Variants in ZNF677 observed in about 807,000 individuals in gnomAD.
ZNF677 encodes the protein zinc finger protein 677.
In ZNF677, 5 loss-of-function variants were observed where a neutral mutation model predicts 8.1. The ratio of observed to expected loss-of-function variants is 0.62; its 90% CI spans 0.32 to 1.29. ZNF677 has a LOEUF of 1.29. ZNF677 is among the 50% of genes most tolerant of loss of function. The probability of loss-of-function intolerance (pLI) is 0.05; values close to 1 mark genes in which losing one functional copy is unlikely to be tolerated. For synonymous variants in ZNF677, 221 were observed against 225.6 expected (o/e 0.98, Z 0.18); for missense variants, 685 against 685.9 (o/e 1.00, Z 0.01).
At chr19:53,244,872 A>G (rs567250365) in intron 3 of ZNF677, among the ~76,000 whole-genome samples, 42 of 152,228 alleles carry the variant, frequency 2.8e-4, no homozygotes, top group Non-Finnish European at 2.6e-4. Flanking sequence ...ATGGTAATCA[A>G]AACAGTATGG....
rs1334697233 is a variant in ZNF677 at position 53,235,889 on chromosome 19, T to A, written c.*1083A>T. On this transcript the variant is annotated 3_prime_UTR_variant, in exon 5 of 5. Coordinates refer to ENST00000598513, the MANE Select transcript of ZNF677 (RefSeq NM_182609.4). ...CAAACCCCCATGCTCTTATAGTATA[T>A]TGTATATTAGTGTTCTTGGCTGGGC... 1.4e-4 allele frequency: 21 copies of A among 152,278 alleles called. 1 individual carries two copies. Among genetic ancestry groups the A allele is most frequent in the Admixed American group, 1.4e-3 (21 of 15,276 alleles). 9.4% of individuals were successfully genotyped at this position (152,278 alleles called of 1,614,324 possible).
chr19:53,235,453 G>A lies in ZNF677; in HGVS notation c.*1519C>T, dbSNP rs1422128790. ...AGTATAATATATTCTAAATAAAATG[G>A]TATCAAATGCAATCTCAGGGGCCAA... On this transcript the variant is annotated 3_prime_UTR_variant, in exon 5 of 5. Transcript: ENST00000598513. 6 of 152,090 alleles carry A rather than the reference G, an allele frequency of 3.9e-5. No individual in the cohort carries two copies. The highest frequency in any genetic ancestry group is 8.8e-5 in the Non-Finnish European group (6 of 68,020). The allele number at this position is 152,090 out of a possible 1,614,324, so 9.4% of individuals were successfully genotyped here.
chr19:53,243,978 T>G, intron 3 of ZNF677, 81 bp from the exon 4 acceptor site: 4 of 1,351,574 alleles, frequency 3.0e-6, no homozygotes, highest in Non-Finnish European at 3.0e-6. Context: ...GAGGTGTACA[T>G]ATTCACTGAT....
At chr19:53,242,309 A>C in intron 4 of ZNF677, 1 of 398,630 alleles carries the variant, frequency 2.5e-6, no homozygotes, top group Non-Finnish European at 4.4e-6. Context: ...GGTCTCCCTA[A>C]GTTCCCGGAT....
chr19:53,252,932 C>G lies in ZNF677; in HGVS notation c.-56+154G>C, dbSNP rs367797678. Among the ~76,000 whole-genome samples, 10 of 152,238 alleles carry G rather than the reference C, an allele frequency of 6.6e-5. No individual in the cohort carries two copies. In the East Asian group the frequency reaches 9.6e-4, roughly 15 times the overall value. On this transcript the variant is annotated intron_variant, in intron 2 of 4. Coordinates refer to ENST00000598513, the MANE Select transcript of ZNF677 (RefSeq NM_182609.4). ...TCCCAAAAACTTAACTACTGATAAC[C>G]CATTGTTGACCAGAAGTCTACTGAA...
At chr19:53,246,528 A>ACACT (rs1568693936) in intron 3 of ZNF677, among the ~76,000 whole-genome samples, 2 of 143,518 alleles carry the variant, frequency 1.4e-5, no homozygotes, top group South Asian at 4.6e-4. Context: ...ACACACACAC[A>ACACT]CACTCACACA....
chr19:53,248,375 T>C (rs868098936), intron 3 of ZNF677, among the ~76,000 whole-genome samples: 11 of 152,352 alleles, frequency 7.2e-5, no homozygotes, highest in African/African-American at 2.6e-4. Context: ...TAATATTGGC[T>C]TTTGTATTTG....
At chr19:53,241,576 C>T (rs770664152) in intron 4 of ZNF677, 44 of 351,826 alleles carry the variant, frequency 1.3e-4, no homozygotes, top group Non-Finnish European at 1.4e-4. Context: ...CCTTGTACTG[C>T]TGGCTCCAAG....
At chr19:53,249,674 T>C (rs1016530319) in intron 3 of ZNF677, among the ~76,000 whole-genome samples, 3 of 152,342 alleles carry the variant, frequency 2.0e-5, no homozygotes, top group African/African-American at 7.2e-5. Context: ...CATAATGTTT[T>C]ACTTTTTAGT....
chr19:53,249,563 C>T (rs1028986576), intron 3 of ZNF677: 1 of 152,178 alleles, frequency 6.6e-6, no homozygotes, highest in African/African-American at 2.4e-5. Flanking sequence ...ATTCACTAAA[C>T]ATTTTCTAAA....
Position 53,237,647 on chromosome 19 carries a change from T to A in ZNF677, c.1080A>T (p.Ser360=). ...GAATTCTTTCATGACCCCAAAGGTG[T>A]GAACGCTGGATAAATGCCTTACCAC... ...NECGKAFIQR[S]HLWGHERIHT... Residue 360 remains serine, a synonymous_variant, in exon 5 of 5, where the codon TCA becomes TCT. Transcript: ENST00000598513. 1 of 1,613,334 alleles carries A rather than the reference T, an allele frequency of 6.2e-7. No homozygotes were observed. The highest frequency in any genetic ancestry group is 2.2e-5 in the East Asian group (1 of 44,880).
chr19:53,236,768 T>C lies in ZNF677; in HGVS notation c.*204A>G, dbSNP rs1377269513. ...TTTTTATAAAGCTGTTCACATTCATTATATTTGTAAGGCTTCTCTACAGTA... is the reference window on the plus strand; with the variant it reads ...TTTTTATAAAGCTGTTCACATTCATCATATTTGTAAGGCTTCTCTACAGTA... On this transcript the variant is annotated 3_prime_UTR_variant, in exon 5 of 5. Coordinates refer to ENST00000598513, the MANE Select transcript of ZNF677 (RefSeq NM_182609.4). The C allele has an allele frequency of 6.7e-6, 3 of 450,700 alleles. No individual in the cohort carries two copies. Among genetic ancestry groups the C allele is most frequent in the Admixed American group, 4.0e-5 (1 of 24,772 alleles). The allele number at this position is 450,700 out of a possible 1,614,324, so 27.9% of individuals were successfully genotyped here. A position where few individuals can be genotyped will look rare whatever the true frequency, so the allele number is the denominator to read the frequency against.
rs996186112 is a variant in ZNF677 at position 53,243,802 on chromosome 19, C to T, written c.111G>A (p.Met37Ile). 5.0e-6 allele frequency: 8 copies of T among 1,614,186 alleles called. No individual in the cohort carries two copies. The highest frequency in any genetic ancestry group is 1.3e-5 in the African/African-American group (1 of 75,050). Reference sequence around the variant, plus strand: ...AAAGCAGGTTCCTGTAGTTCTCCAACATCACGTCCCTGTACAAGGCCCTCT... The same window carrying T: ...AAAGCAGGTTCCTGTAGTTCTCCAATATCACGTCCCTGTACAAGGCCCTCT... ...PAQRALYRDV[M>I]LENYRNLLSL... The change falls in exon 4 of 5, where the codon ATG becomes ATA. Residue 37 changes from methionine (M) to isoleucine (I), a missense_variant. By Grantham distance (10) the Met-to-Ile change is conservative. Transcript: ENST00000598513.
Position 53,237,056 on chromosome 19 carries a change from G to T in ZNF677, c.1671C>A (p.Asn557Lys), listed in dbSNP as rs2090978392. The change falls in exon 5 of 5, where the codon AAC becomes AAA. Residue 557 changes from asparagine to lysine, a missense_variant. Transcript: ENST00000598513. ...IHGNALFQSS[N>K]LGDHQKSYNR... ...TATAACTTTTTTGATGATCTCCAAGGTTTGAACTTTGGAATAAAGCATTAC... is the reference window on the plus strand; with the variant it reads ...TATAACTTTTTTGATGATCTCCAAGTTTTGAACTTTGGAATAAAGCATTAC... 1 of 1,610,870 alleles carries T rather than the reference G, an allele frequency of 6.2e-7. No individual in the cohort carries two copies. The highest frequency in any genetic ancestry group is 8.5e-7 in the Non-Finnish European group (1 of 1,179,088).
chr19:53,241,404 T>C (rs2091047209), intron 4 of ZNF677: 1 of 155,950 alleles, frequency 6.4e-6, no homozygotes. Flanking sequence ...CTAATTCAAC[T>C]TTGTAAGCTC....
At chr19:53,254,348 G>A (rs1039194057) in intron 1 of ZNF677, among the ~76,000 whole-genome samples, 6 of 151,866 alleles carry the variant, frequency 4.0e-5, no homozygotes, top group Admixed American at 6.6e-5. Context: ...CTCCTTCTCT[G>A]ACAGAGTGTT....
At position 53,237,743 on chromosome 19, in the gene ZNF677, A is replaced by G. The variant is rs753699580; in HGVS notation, c.984T>C (p.Cys328=). The part of the protein sequence containing the change: ...PYQCNICGKV[C]SQNSNLASHQ... ...GACTTGCAAGATTTGAATTTTGACT[A>G]CAGACCTTGCCACATATATTACATT... The change falls in exon 5 of 5, where the codon TGT becomes TGC. Residue 328 remains cysteine, a synonymous_variant. Coordinates refer to ENST00000598513, the MANE Select transcript of ZNF677 (RefSeq NM_182609.4). 19 of 1,613,748 alleles carry G rather than the reference A, an allele frequency of 1.2e-5. No individual in the cohort carries two copies.
rs1276345124 is a variant in ZNF677, at chr19:53,235,944, T to C, written c.*1028A>G. On this transcript the variant is annotated 3_prime_UTR_variant, in exon 5 of 5. Coordinates refer to ENST00000598513, the MANE Select transcript of ZNF677 (RefSeq NM_182609.4). ...TGGCTCATGCCTGTAATCCCAGCAC[T>C]TTGGGAGGCCAAGGCAGGTGGATCA... 1 of 152,300 alleles carries C rather than the reference T, an allele frequency of 6.6e-6. No individual in the cohort carries two copies. The highest frequency in any genetic ancestry group is 1.5e-5 in the Non-Finnish European group (1 of 68,156). 9.4% of individuals were successfully genotyped at this position (152,300 alleles called of 1,614,324 possible).
rs2091095793 is a variant in ZNF677 at position 53,243,896 on chromosome 19, C to T, written c.17G>A (p.Gly6Glu). ...GGCCACATCCTTGAATGTAAACAGT[C>T]CCTGAAATAAAAACACACTTCACCA... MALSQ[G>E]LFTFKDVAIE... Residue 6 changes from glycine (G) to glutamate (E), a missense_variant and splice_region_variant, in exon 4 of 5, where the codon GGA becomes GAA. By Grantham distance (98) the Gly-to-Glu change is moderately conservative (BLOSUM62 -2). Transcript: ENST00000598513. 6.3e-7 allele frequency: 1 copy of T among 1,577,480 alleles called. No individual in the cohort carries two copies. The highest frequency in any genetic ancestry group is 8.6e-7 in the Non-Finnish European group (1 of 1,166,610).
Sources: gnomAD v4.1 joint callset for allele counts (sites outside exome capture counted in the v4.1 genomes callset) on GRCh38, gnomAD v4.1.1 for gene constraint, MANE v1.5 for transcripts, NCBI Gene and HGNC (gene_info 2026-07-23, HGNC 2026-07-21) for gene names.